Variants in CHST6 observed in about 807,000 individuals in gnomAD.
The protein encoded by CHST6 is carbohydrate sulfotransferase 6.
For synonymous variants in CHST6, 309 were observed against 276.4 expected (o/e 1.12, Z -1.17); for missense variants, 698 against 586.2 (o/e 1.19, Z -1.97).
In CHST6 at chr16:75,479,429, C is replaced by T. The variant is rs745598168; in HGVS notation, c.400G>A (p.Ala134Thr). ...AVSRALCSPP[A>T]CSAFPRGAIS... Reference sequence around the variant, plus strand: ...GCGCCTCGGGGAAAGGCACTGCAGGCGGGTGGCGAGCACAGTGCACGGCTC... The same window carrying T: ...GCGCCTCGGGGAAAGGCACTGCAGGTGGGTGGCGAGCACAGTGCACGGCTC... Residue 134 changes from alanine to threonine, a missense_variant, in exon 3 of 3, where the codon GCC becomes ACC. Transcript: ENST00000332272. 3 of 1,612,880 alleles carry T rather than the reference C, an allele frequency of 1.9e-6. No individual in the cohort carries two copies. Among genetic ancestry groups the T allele is most frequent in the East Asian group, 4.5e-5 (2 of 44,860 alleles).
rs2080037945 is a variant in CHST6 at position 75,473,689 on chromosome 16, G to C, written c.*4952C>G. On this transcript the variant is annotated 3_prime_UTR_variant, in exon 3 of 3. Coordinates refer to ENST00000332272, the MANE Select transcript of CHST6 (RefSeq NM_021615.5). ...GCTGCAGACAAATCCTGTTGCATCAGCTTCCTCTCGGATATTTACCATCCC... is the reference window on the plus strand; with the variant it reads ...GCTGCAGACAAATCCTGTTGCATCACCTTCCTCTCGGATATTTACCATCCC... 1 of 152,142 alleles carries C rather than the reference G, an allele frequency of 6.6e-6. No individual in the cohort carries two copies. The highest frequency in any genetic ancestry group is 1.5e-5 in the Non-Finnish European group (1 of 68,046). 9.4% of individuals were successfully genotyped at this position (152,142 alleles called of 1,614,324 possible).
In CHST6 at chr16:75,478,448, T is replaced by G. The variant is rs1285618252; in HGVS notation, c.*193A>C. ...AGAGTGCACCTGATGAGAAGGCAGC[T>G]CCAGAGGACTCAAAGGAAAACCAAG... On this transcript the variant is annotated 3_prime_UTR_variant, in exon 3 of 3. Transcript: ENST00000332272. The G allele has an allele frequency of 3.2e-6, 2 of 629,050 alleles. No individual in the cohort carries two copies. The highest frequency in any genetic ancestry group is 3.7e-5 in the African/African-American group (2 of 54,636). The allele number at this position is 629,050 out of a possible 1,614,324, so 39.0% of individuals were successfully genotyped here. A position where few individuals can be genotyped will look rare whatever the true frequency, so the allele number is the denominator to read the frequency against.
rs1417524333 is a variant in CHST6 at position 75,488,477 on chromosome 16, A to G, written c.-92+6463T>C. 4.1e-5 allele frequency among the ~76,000 whole-genome samples: 6 copies of G among 145,708 alleles called. No homozygotes were observed. The South Asian group carries it at 6.5e-4, about 16-fold the overall frequency. On this transcript the variant is annotated intron_variant, in intron 1 of 2. Transcript: ENST00000332272. ...AGAGCAAAGCCCCGTCACAAGGAGAAAAAAAAAAAAAAAAGAATCCCAAAG... is the reference window on the plus strand; with the variant it reads ...AGAGCAAAGCCCCGTCACAAGGAGAGAAAAAAAAAAAAAAGAATCCCAAAG...
In CHST6 at chr16:75,479,486, G is replaced by A. The variant is rs375560344; in HGVS notation, c.343C>T (p.Arg115Cys). The A allele has an allele frequency of 5.4e-5, 87 of 1,612,826 alleles. No homozygotes were observed. The highest frequency in any genetic ancestry group is 1.3e-4 in the South Asian group (12 of 91,092). Residue 115 changes from arginine (R) to cysteine (C), a missense_variant, in exon 3 of 3, where the codon CGC (arginine) becomes TGC (cysteine). By Grantham distance (180) the Arg-to-Cys change is radical. Transcript: ENST00000332272. The stretch of plus-strand genomic sequence containing the variant: ...CACTGGAAGAGGTCGGACAGGTTGC[G>A]GCGCCAAGGCAGATAGGCATCAAAC... ...DVFDAYLPWR[R>C]NLSDLFQWAV...
intron 1 of CHST6, among the ~76,000 whole-genome samples, chr16:75,490,067 A>G (rs779629893): frequency 1.3e-5 from 2 of 149,730 alleles, no homozygotes; most frequent in African/African-American, 5.0e-5. Context: ...AATCCCAGCT[A>G]CTCGGCGGGG....
Position 75,479,418 on chromosome 16 carries a change from G to A in CHST6, c.411C>T (p.Ala137=). 1 of 1,612,964 alleles carries A rather than the reference G, an allele frequency of 6.2e-7. No homozygotes were observed. Among genetic ancestry groups the A allele is most frequent in the Non-Finnish European group, 8.5e-7 (1 of 1,179,838 alleles). ...RALCSPPACS[A]FPRGAISSEA... ...CGCTGCTGATGGCGCCTCGGGGAAA[G>A]GCACTGCAGGCGGGTGGCGAGCACA... The change falls in exon 3 of 3, where the codon GCC becomes GCT. Residue 137 remains alanine (A), a synonymous_variant. Coordinates refer to ENST00000332272, the MANE Select transcript of CHST6 (RefSeq NM_021615.5).
chr16:75,491,190 A>AAAT (rs1206595857), intron 1 of CHST6, among the ~76,000 whole-genome samples: 138 of 50,054 alleles, frequency 2.8e-3, no homozygotes, highest in South Asian at 4.3e-3. Context: ...AAAAAAAAAA[A>AAAT]ATATATATAT....
In CHST6 at chr16:75,476,745, A is replaced by G. The variant is rs1238704489; in HGVS notation, c.*1896T>C. 17 of 82,722 alleles carry G rather than the reference A, an allele frequency of 2.1e-4. No homozygotes were observed. Among genetic ancestry groups the G allele is most frequent in the Admixed American group, 7.6e-4 (5 of 6,592 alleles). The allele number at this position is 82,722 out of a possible 1,614,324, so 5.1% of individuals were successfully genotyped here. A position where few individuals can be genotyped will look rare whatever the true frequency, so the allele number is the denominator to read the frequency against. On this transcript the variant is annotated 3_prime_UTR_variant, in exon 3 of 3. Transcript: ENST00000332272. The stretch of plus-strand genomic sequence containing the variant: ...AAGAACATTTGTTTATAAGTTACCC[A>G]GTCTTTTTTTTTTTTTTGAGATGGA...
chr16:75,486,138 G>T (rs528583539), intron 1 of CHST6, among the ~76,000 whole-genome samples: 3 of 152,270 alleles, frequency 2.0e-5, no homozygotes, highest in African/African-American at 7.2e-5. Context: ...ACTCCCACTG[G>T]GAGGCATTTC....
At chr16:75,480,394 G>T (rs1046713252) in intron 2 of CHST6, among the ~76,000 whole-genome samples, 1 of 152,012 alleles carries the variant, frequency 6.6e-6, no homozygotes, top group Non-Finnish European at 1.5e-5. Context: ...GGATCGCCCC[G>T]TGACTCAGTT....
chr16:75,494,241 T>C (rs1419558414), intron 1 of CHST6, among the ~76,000 whole-genome samples: 1 of 152,186 alleles, frequency 6.6e-6, no homozygotes, highest in South Asian at 2.1e-4. Flanking sequence ...TGGCTCTCTA[T>C]ACTCCAGTTG....
Position 75,478,472 on chromosome 16 carries a change from A to G in CHST6, c.*169T>C. The stretch of plus-strand genomic sequence containing the variant: ...CTCCAGAGGACTCAAAGGAAAACCA[A>G]GAATCAAGAGAGAAAGAAACGTGCA... On this transcript the variant is annotated 3_prime_UTR_variant, in exon 3 of 3. Transcript: ENST00000332272. 1.5e-6 allele frequency: 1 copy of G among 687,878 alleles called. No homozygotes were observed. Among genetic ancestry groups the G allele is most frequent in the South Asian group, 1.8e-5 (1 of 55,926 alleles). The allele number at this position is 687,878 out of a possible 1,614,324, so 42.6% of individuals were successfully genotyped here. A position where few individuals can be genotyped will look rare whatever the true frequency, so the allele number is the denominator to read the frequency against.
chr16:75,489,422 A>G (rs2080234688), intron 1 of CHST6, among the ~76,000 whole-genome samples: 1 of 151,806 alleles, frequency 6.6e-6, no homozygotes, highest in Non-Finnish European at 1.5e-5. Flanking sequence ...AAAAAAAAGA[A>G]AAAAGAAAAG....
intron 1 of CHST6, among the ~76,000 whole-genome samples, chr16:75,493,649 G>A (rs1195011539): frequency 6.6e-6 from 1 of 152,076 alleles, no homozygotes; most frequent in Admixed American, 6.6e-5. Flanking sequence ...ATGAGTATTT[G>A]CTTAGCAATC....
chr16:75,488,402 G>A (rs1314018840), intron 1 of CHST6, among the ~76,000 whole-genome samples: 1 of 151,920 alleles, frequency 6.6e-6, no homozygotes, highest in Non-Finnish European at 1.5e-5. Context: ...GGGAGGTGGA[G>A]GTTGCAGTGA....
chr16:75,482,486 C>T (rs1310574585), intron 1 of CHST6, among the ~76,000 whole-genome samples: 6 of 152,126 alleles, frequency 3.9e-5, no homozygotes, highest in South Asian at 2.1e-4. Flanking sequence ...TGTGGTGAGC[C>T]GAGATCATGC....
At chr16:75,482,221 G>A in intron 1 of CHST6, among the ~76,000 whole-genome samples, 1 of 152,082 alleles carries the variant, frequency 6.6e-6, no homozygotes, top group East Asian at 1.9e-4. Context: ...GCCACCCTCT[G>A]GCCTCCAACC....
At chr16:75,487,200 T>G (rs2080207100) in intron 1 of CHST6, among the ~76,000 whole-genome samples, 1 of 152,220 alleles carries the variant, frequency 6.6e-6, no homozygotes, top group African/African-American at 2.4e-5. Flanking sequence ...TTACCATTTC[T>G]TGGCCTGGCC....
chr16:75,494,229 T>G (rs80284595), intron 1 of CHST6, among the ~76,000 whole-genome samples: 2,352 of 152,284 alleles, frequency 0.015, 68 homozygotes, highest in African/African-American at 0.05. Context: ...CAAGTCACTC[T>G]CTGGCTCTCT....
Sources: allele counts gnomAD v4.1 joint callset (sites outside exome capture counted in the v4.1 genomes callset), GRCh38; gene constraint gnomAD v4.1.1; transcripts MANE v1.5; gene names NCBI Gene and HGNC (gene_info 2026-07-23, HGNC 2026-07-21).